SOX6: variants seen among roughly 807,000 people sequenced by gnomAD.
SOX6 encodes the protein transcription factor SOX-6.
SOX6 carries 11 observed loss-of-function variants against 97.8 expected under a neutral mutation model. The observed-to-expected ratio is 0.11, with a 90% CI of 0.07 to 0.19. SOX6 has a LOEUF of 0.19. Among genes scored for constraint, SOX6 ranks in the 10% least tolerant of loss-of-function variants. SOX6 has a pLI of 1.00. For missense variants in SOX6, 810 were observed against 1,039.5 expected, an observed-to-expected ratio of 0.78 and a Z score of 3.04; for synonymous variants, 360 against 371.4, an observed-to-expected ratio of 0.97 and a Z score of 0.35.
chr11:16,086,375 C>T (rs1311710411), intron 9 of SOX6, among the ~76,000 whole-genome samples: 1 of 152,142 alleles, frequency 6.6e-6, no homozygotes, highest in Non-Finnish European at 1.5e-5. Flanking sequence ...ATTGCTGCTT[C>T]AGTGCACTAA....
At chr11:16,530,251 T>C (rs1861220594) in intron 4 of SOX6, among the ~76,000 whole-genome samples, 1 of 152,032 alleles carries the variant, frequency 6.6e-6, no homozygotes, top group African/African-American at 2.4e-5. Flanking sequence ...TAAACCTCAT[T>C]GGACAAGGCT....
At chr11:16,616,954 C>A (rs1848478773) in intron 3 of SOX6, among the ~76,000 whole-genome samples, 1 of 151,792 alleles carries the variant, frequency 6.6e-6, no homozygotes, top group Non-Finnish European at 1.5e-5. Context: ...TATTTCAAGT[C>A]AAAGTGTTTA....
intron 4 of SOX6, among the ~76,000 whole-genome samples, chr11:16,190,700 A>T (rs1396672711): frequency 6.6e-6 from 1 of 152,196 alleles, no homozygotes; most frequent in Non-Finnish European, 1.5e-5. Context: ...GATCATATAT[A>T]TAGCCAAGTA....
rs1852361059 is a variant in SOX6 at position 16,215,953 on chromosome 11, A to T, written c.535+18629T>A. Among the ~76,000 whole-genome samples the T allele has an allele frequency of 1.1e-4, 16 of 152,184 alleles. 1 individual carries two copies. Among genetic ancestry groups the T allele is most frequent in the Admixed American group, 1.0e-3 (16 of 15,282 alleles). On this transcript the variant is annotated intron_variant, in intron 4 of 15. Transcript: ENST00000683767. ...AATGTGTTCCAATAATGTCTAGAGT[A>T]GATGTTAGTATGCCTTGGTGACAAG...
intron 3 of SOX6, among the ~76,000 whole-genome samples, chr11:16,250,304 G>C (rs1489666411): frequency 6.6e-6 from 1 of 151,810 alleles, no homozygotes; most frequent in African/African-American, 2.4e-5. Flanking sequence ...TAGAATAATA[G>C]AATATCAAGG....
At chr11:16,521,881 G>A (rs539366949) in intron 4 of SOX6, among the ~76,000 whole-genome samples, 43 of 152,290 alleles carry the variant, frequency 2.8e-4, no homozygotes, top group South Asian at 2.1e-3. Context: ...GGGTATCAGT[G>A]ATGGAAGATG....
intron 15 of SOX6, among the ~76,000 whole-genome samples, chr11:15,983,653 A>G (rs1355927265): frequency 6.6e-6 from 1 of 152,102 alleles, no homozygotes; most frequent in African/African-American, 2.4e-5. Context: ...GAGAATACAA[A>G]TCCTTAAGCA....
At chr11:16,243,995 G>T (rs550823023) in intron 3 of SOX6, among the ~76,000 whole-genome samples, 3 of 151,914 alleles carry the variant, frequency 2.0e-5, no homozygotes, top group Admixed American at 1.3e-4. Flanking sequence ...TCATTCACAA[G>T]TCTTTTTATG....
intron 7 of SOX6, among the ~76,000 whole-genome samples, chr11:16,102,258 C>T (rs1008368015): frequency 1.3e-5 from 2 of 151,832 alleles, no homozygotes; most frequent in Non-Finnish European, 2.9e-5. Flanking sequence ...AGAATCAAAT[C>T]AAGAACTCAA....
chr11:16,003,422 T>C (rs974264655), intron 13 of SOX6, among the ~76,000 whole-genome samples: 1 of 152,226 alleles, frequency 6.6e-6, no homozygotes. Flanking sequence ...GCTTAGGCTC[T>C]GACAGGTGGC....
chr11:16,566,467 G>T (rs750140241), intron 4 of SOX6, among the ~76,000 whole-genome samples: 22 of 152,198 alleles, frequency 1.4e-4, no homozygotes, highest in Admixed American at 5.9e-4. Flanking sequence ...CAGCCAAGAG[G>T]TATCTCTGGT....
chr11:16,035,196 C>G (rs191448972), intron 12 of SOX6, among the ~76,000 whole-genome samples: 1 of 152,074 alleles, frequency 6.6e-6, no homozygotes, highest in East Asian at 1.9e-4. Context: ...CGCATCAGGA[C>G]ACATGGGCAG....
chr11:16,265,635 CAG>C (rs1330448892), intron 3 of SOX6, among the ~76,000 whole-genome samples: 2 of 151,648 alleles, frequency 1.3e-5, no homozygotes, highest in African/African-American at 4.8e-5. Flanking sequence ...CTAACGATGA[CAG>C]AGATATTAAA....
At chr11:16,317,782 G>A (rs1855793912) in intron 3 of SOX6, 1 of 184,740 alleles carries the variant, frequency 5.4e-6, no homozygotes, top group Admixed American at 5.6e-5. Context: ...AACCAAAAGT[G>A]CAACATAGTA....
intron 1 of SOX6, among the ~76,000 whole-genome samples, chr11:16,447,524 A>G (rs1334521311): frequency 6.6e-6 from 1 of 152,050 alleles, no homozygotes; most frequent in Non-Finnish European, 1.5e-5. Flanking sequence ...AGAGAGAGAA[A>G]CAGAAAGAGA....
chr11:16,097,803 C>T (rs1048175013), intron 7 of SOX6, 115 bp from the exon 8 acceptor site: 13 of 971,702 alleles, frequency 1.3e-5, no homozygotes, highest in Non-Finnish European at 2.1e-5. Context: ...TAAGCCCAAA[C>T]ATCTGCAGAA....
chr11:16,118,737 C>A (rs1245904633), intron 6 of SOX6, among the ~76,000 whole-genome samples: 1 of 152,154 alleles, frequency 6.6e-6, no homozygotes, highest in African/African-American at 2.4e-5. Flanking sequence ...GGCTCATTTT[C>A]TCTTTCATGA....
At chr11:16,712,684 T>C (rs992657001) in intron 3 of SOX6, among the ~76,000 whole-genome samples, 3 of 152,212 alleles carry the variant, frequency 2.0e-5, no homozygotes, top group Non-Finnish European at 4.4e-5. Flanking sequence ...CACCTCACCC[T>C]GAATCACTAC....
intron 4 of SOX6, among the ~76,000 whole-genome samples, chr11:16,548,877 T>G (rs969256143): frequency 3.9e-5 from 6 of 152,120 alleles, no homozygotes; most frequent in African/African-American, 7.2e-5. Context: ...TGTGAGGTAA[T>G]TTGATTTAGC....
Sources: allele counts gnomAD v4.1 joint callset (sites outside exome capture counted in the v4.1 genomes callset), GRCh38; gene constraint gnomAD v4.1.1; transcripts MANE v1.5; gene names NCBI Gene and HGNC (gene_info 2026-07-23, HGNC 2026-07-21).